Variants in MIDEAS observed in about 807,000 individuals in gnomAD.
MIDEAS encodes the protein mitotic deacetylase associated SANT domain protein.
A neutral mutation model predicts 102.7 loss-of-function variants in MIDEAS; 26 were observed. The ratio of observed to expected loss-of-function variants is 0.25; its 90% CI spans 0.19 to 0.35. The LOEUF (loss-of-function observed/expected upper bound fraction) is 0.35. Ranked by LOEUF, MIDEAS falls within the 10% of genes least tolerant of loss-of-function variation. The pLI is 1.00. For missense variants in MIDEAS, 1,231 were observed against 1,435.6 expected (o/e 0.86, Z 2.30); for synonymous variants, 585 against 591.0 (o/e 0.99, Z 0.15).
rs2053541231 is a variant in MIDEAS, at chr14:73,760,190, G to A, written c.-675C>T. 1 of 152,262 alleles carries A rather than the reference G, an allele frequency of 6.6e-6. No homozygotes were observed. Among genetic ancestry groups the A allele is most frequent in the Admixed American group, 6.5e-5 (1 of 15,272 alleles). 9.4% of individuals were successfully genotyped at this position (152,262 alleles called of 1,614,324 possible). ...GGCAACAGCGGAGGAGGAGGACTCT[G>A]GCGTGCTACAAAGGATTGCACAACT... On this transcript the variant is annotated 5_prime_UTR_variant, in exon 1 of 13. Coordinates refer to ENST00000423556, the MANE Select transcript of MIDEAS (RefSeq NM_001367710.1). The surrounding 1 kb of genome is among the most constrained non-coding windows in gnomAD (Gnocchi z 4.8).
chr14:73,740,192 T>C lies in MIDEAS; in HGVS notation c.-184A>G. On this transcript the variant is annotated 5_prime_UTR_variant, in exon 2 of 13. Coordinates refer to ENST00000423556, the MANE Select transcript of MIDEAS (RefSeq NM_001367710.1). ...AGAACTGCTGGCTCTTCCTTTCTCT[T>C]CCAGAGAGGCTCTGGGGCTCAGCTA... is the stretch of plus-strand genomic sequence containing the variant. The C allele has an allele frequency of 9.2e-6, 6 of 653,648 alleles. No homozygotes were observed. The highest frequency in any genetic ancestry group is 1.3e-5 in the Non-Finnish European group (6 of 452,068). The allele number at this position is 653,648 out of a possible 1,614,324, so 40.5% of individuals were successfully genotyped here.
chr14:73,729,819 C>T lies in MIDEAS; in HGVS notation c.1916G>A (p.Arg639His), dbSNP rs749471757. Residue 639 changes from arginine (R) to histidine (H), a missense_variant, in exon 4 of 13, where the codon CGC (arginine) becomes CAC (histidine). Transcript: ENST00000423556. ...CCGCTCAGAGGGGTGGTCAGCTAGG[C>T]GCACGGGAGAGCGCAGGTGGCTCTG... ...PYQSHLRSPV[R>H]LADHPSERSF... The T allele has an allele frequency of 9.3e-6, 15 of 1,613,324 alleles. No individual in the cohort carries two copies. Among genetic ancestry groups the T allele is most frequent in the East Asian group, 4.5e-5 (2 of 44,820 alleles).
chr14:73,722,782 G>A lies in MIDEAS; in HGVS notation c.2640C>T (p.Ile880=), dbSNP rs764826362. ...CAAAGGTTAGAGTCCCATTGCGGCC[G>A]ATTTTCACCTGCTTCTTGTAGGTGT... ...FYYTYKKQVK[I]GRNGTLTFGD... is the part of the protein sequence containing the mutation. The change falls in exon 10 of 13, where the codon ATC becomes ATT. Residue 880 remains isoleucine, a synonymous_variant. Coordinates refer to ENST00000423556, the MANE Select transcript of MIDEAS (RefSeq NM_001367710.1). 36 of 1,614,048 alleles carry A rather than the reference G, an allele frequency of 2.2e-5. No homozygotes were observed. Among genetic ancestry groups the A allele is most frequent in the South Asian group, 6.6e-5 (6 of 91,082 alleles).
intron 1 of MIDEAS, among the ~76,000 whole-genome samples, chr14:73,745,546 C>T (rs960198211): frequency 3.9e-5 from 6 of 152,192 alleles, no homozygotes; most frequent in Non-Finnish European, 8.8e-5. Flanking sequence ...GCCCCCTCAT[C>T]TGGGCTCACA....
chr14:73,730,659 T>C (rs991670753), intron 3 of MIDEAS, among the ~76,000 whole-genome samples: 3 of 151,598 alleles, frequency 2.0e-5, no homozygotes, highest in African/African-American at 7.3e-5. Flanking sequence ...GAGCTGGACA[T>C]GGGACTACAA....
chr14:73,722,440 C>G (rs535675968), intron 10 of MIDEAS: 1 of 323,566 alleles, frequency 3.1e-6, no homozygotes, highest in South Asian at 5.0e-5. Flanking sequence ...GTCTGCTAAG[C>G]GGAGATAGGA....
Position 73,717,893 on chromosome 14 carries a change from T to G in MIDEAS, c.*950A>C, listed in dbSNP as rs1400299747. ...GACACTGGGTAGGGTGCGGTGGGGT[T>G]AGGTGTAGCTGCTGAGGTCAGAGCA... On this transcript the variant is annotated 3_prime_UTR_variant, in exon 13 of 13. Coordinates refer to ENST00000423556, the MANE Select transcript of MIDEAS (RefSeq NM_001367710.1). 2 of 150,768 alleles carry G rather than the reference T, an allele frequency of 1.3e-5. No homozygotes were observed. Among genetic ancestry groups the G allele is most frequent in the African/African-American group, 4.9e-5 (2 of 40,804 alleles). 9.3% of individuals were successfully genotyped at this position (150,768 alleles called of 1,614,324 possible).
chr14:73,740,109 G>T lies in MIDEAS; in HGVS notation c.-101C>A. 1 of 1,389,558 alleles carries T rather than the reference G, an allele frequency of 7.2e-7. No homozygotes were observed. The highest frequency in any genetic ancestry group is 2.6e-5 in the East Asian group (1 of 38,832). 86.1% of individuals were successfully genotyped at this position (1,389,558 alleles called of 1,614,324 possible). On this transcript the variant is annotated 5_prime_UTR_variant, in exon 2 of 13. Transcript: ENST00000423556. ...AGCCGGGCTCTAGTCCAGGAGCCAG[G>T]GAGGGCAGAGCAGGGGCAGAGGAAG... is the stretch of plus-strand genomic sequence containing the variant.
intron 3 of MIDEAS, 93 bp downstream of exon 3, chr14:73,736,905 T>C (rs1170794773): frequency 4.6e-6 from 6 of 1,304,720 alleles, no homozygotes; most frequent in Non-Finnish European, 2.1e-6. Flanking sequence ...CCCTGATACC[T>C]TCCTACATTG....
chr14:73,722,726 G>C lies in MIDEAS; in HGVS notation c.2696C>G (p.Ala899Gly). 6.2e-7 allele frequency: 1 copy of C among 1,614,126 alleles called. No homozygotes were observed. The highest frequency in any genetic ancestry group is 1.6e-4 in the Middle Eastern group (1 of 6,062). Residue 899 changes from alanine (A) to glycine (G), a missense_variant, in exon 10 of 13, where the codon GCC (alanine) becomes GGC (glycine). Physicochemically the swap from Ala to Gly is moderately conservative, Grantham distance 60. Coordinates refer to ENST00000423556, the MANE Select transcript of MIDEAS (RefSeq NM_001367710.1). ...GDVDTSDEKSAQEEVEVDIKT... is the reference protein window; with the variant it reads ...GDVDTSDEKSGQEEVEVDIKT... ...AATATCCACTTCAACCTCTTCCTGGGCCGACTTCTCATCGCTCGTATCCAC... is the reference window on the plus strand; with the variant it reads ...AATATCCACTTCAACCTCTTCCTGGCCCGACTTCTCATCGCTCGTATCCAC...
Position 73,719,331 on chromosome 14 carries a change from GTTC to G in MIDEAS, c.3105_3107del (p.Glu1035_Asn1036delinsAsp), listed in dbSNP as rs1566580442. On this transcript the variant is annotated inframe_deletion, in exon 12 of 13. Transcript: ENST00000423556. ...TGCCACATTTTTTACAGGGGAAAGT[GTTC>G]TCCTGATTCTGGGTCTTACTGAATG... 6.2e-7 allele frequency: 1 copy of G among 1,613,316 alleles called. No individual in the cohort carries two copies. The highest frequency in any genetic ancestry group is 8.5e-7 in the Non-Finnish European group (1 of 1,179,656).
chr14:73,719,075 G>A (rs1214319729), intron 12 of MIDEAS, 67 bp from the exon 13 acceptor site: 11 of 1,446,878 alleles, frequency 7.6e-6, no homozygotes, highest in Admixed American at 2.8e-5. Context: ...GCGGGTGCGC[G>A]AGGAGCCCCA....
chr14:73,751,017 A>G (rs182990087), intron 1 of MIDEAS, among the ~76,000 whole-genome samples: 3 of 152,376 alleles, frequency 2.0e-5, no homozygotes, highest in Non-Finnish European at 2.9e-5. Flanking sequence ...GGTAGATATT[A>G]TCATTATTAT....
chr14:73,759,965 C>G lies in MIDEAS; in HGVS notation c.-450G>C, dbSNP rs2053538179. On this transcript the variant is annotated 5_prime_UTR_variant, in exon 1 of 13. Transcript: ENST00000423556. The surrounding 1 kb of genome is among the most constrained non-coding windows in gnomAD (Gnocchi z 6.7). ...AGGCTGAGAAGTTTGCTGGCAGGGCCCGGGCGGGACGCGCGGGCTGTCACC... is the reference window on the plus strand; with the variant it reads ...AGGCTGAGAAGTTTGCTGGCAGGGCGCGGGCGGGACGCGCGGGCTGTCACC... 1 of 151,878 alleles carries G rather than the reference C, an allele frequency of 6.6e-6. No homozygotes were observed. The highest frequency in any genetic ancestry group is 2.1e-4 in the South Asian group (1 of 4,824). The allele number at this position is 151,878 out of a possible 1,614,324, so 9.4% of individuals were successfully genotyped here.
intron 3 of MIDEAS, among the ~76,000 whole-genome samples, chr14:73,734,366 A>C (rs1348012786): frequency 6.6e-6 from 1 of 152,166 alleles, no homozygotes; most frequent in Admixed American, 6.5e-5. Context: ...TATACATAAT[A>C]AGTTAAATTC....
intron 1 of MIDEAS, 57 bp from the exon 2 acceptor site, chr14:73,740,312 A>G (rs2053267025): frequency 1.2e-5 from 5 of 400,944 alleles, no homozygotes; most frequent in Non-Finnish European, 1.8e-5. Flanking sequence ...TGCCCCGAAC[A>G]TCAGCACAAG....
chr14:73,766,579 T>C (rs1157608974), intron 1 of MIDEAS, among the ~76,000 whole-genome samples: 2 of 152,020 alleles, frequency 1.3e-5, no homozygotes, highest in African/African-American at 4.8e-5. Flanking sequence ...AGATGGAGTC[T>C]AGCTCTGTTA....
At chr14:73,788,692 C>T (rs1439638249), upstream of MIDEAS, among the ~76,000 whole-genome samples, 1 of 152,146 alleles carries the variant, frequency 6.6e-6, no homozygotes, top group Admixed American at 6.5e-5. Flanking sequence ...AATTAAAGTT[C>T]CCTGAAATTC....
chr14:73,741,835 C>T (rs184122596), intron 1 of MIDEAS, among the ~76,000 whole-genome samples: 83 of 152,252 alleles, frequency 5.5e-4, no homozygotes, highest in African/African-American at 1.9e-3. Flanking sequence ...AGACCCTCCT[C>T]GTGTGCAGCC....
Sources: gnomAD v4.1 joint callset for allele counts (sites outside exome capture counted in the v4.1 genomes callset) on GRCh38, gnomAD v4.1.1 for gene constraint, Gnocchi (gnomAD v3.1) non-coding constraint, MANE v1.5 for transcripts, NCBI Gene and HGNC (gene_info 2026-07-23, HGNC 2026-07-21) for gene names.